The following DCDC2 variants were observed in gnomAD, a reference collection of about 807,000 sequenced individuals.
The protein encoded by DCDC2 is doublecortin domain containing 2.
DCDC2 carries 40 observed loss-of-function variants against 50.2 expected under a neutral mutation model. The ratio of observed to expected loss-of-function variants is 0.80; its 90% CI spans 0.62 to 1.04. The LOEUF is 1.04. Ranked by LOEUF, DCDC2 falls within the 50% of genes least tolerant of loss-of-function variation. DCDC2 has a pLI of 0.00. For missense variants in DCDC2, 570 were observed against 581.9 expected, an observed-to-expected ratio of 0.98 and a Z score of 0.21; for synonymous variants, 234 against 210.6, an observed-to-expected ratio of 1.11 and a Z score of -0.96.
At chr6:24,269,594 G>C (rs1355667451) in intron 7 of DCDC2, among the ~76,000 whole-genome samples, 3 of 152,176 alleles carry the variant, frequency 2.0e-5, no homozygotes, top group South Asian at 2.1e-4. Context: ...ACTGAAAAAT[G>C]AAAGTAGTGA....
intron 6 of DCDC2, among the ~76,000 whole-genome samples, chr6:24,286,643 T>C (rs1314686152): frequency 3.3e-5 from 5 of 151,954 alleles, no homozygotes; most frequent in Admixed American, 2.6e-4. Flanking sequence ...CTGATGTCCT[T>C]GGCAGGCCTC....
chr6:24,345,597 T>C (rs1172756922), intron 2 of DCDC2, among the ~76,000 whole-genome samples: 1 of 151,146 alleles, frequency 6.6e-6, no homozygotes, highest in African/African-American at 2.4e-5. Flanking sequence ...GGATGGCTTA[T>C]CCAAGAAGAA....
At chr6:24,359,102 T>C (rs1183736109), upstream of DCDC2, among the ~76,000 whole-genome samples, 13 of 61,634 alleles carry the variant, frequency 2.1e-4, no homozygotes, top group Admixed American at 3.3e-4. Context: ...TTATATATTT[T>C]ATATATTATA....
At position 24,208,161 on chromosome 6, in the gene DCDC2, A is replaced by G. The variant is rs932102736; in HGVS notation, c.923-3059T>C. Reference sequence around the variant, plus strand: ...GGACCAAAGAACCTGCAGGTCACGGACCCGCTATGCTTTTTCATGTCTCAC... The same window carrying G: ...GGACCAAAGAACCTGCAGGTCACGGGCCCGCTATGCTTTTTCATGTCTCAC... On this transcript the variant is annotated intron_variant, in intron 7 of 9. Coordinates refer to ENST00000378454, the MANE Select transcript of DCDC2 (RefSeq NM_016356.5). 3.3e-5 allele frequency among the ~76,000 whole-genome samples: 5 copies of G among 151,982 alleles called. No individual in the cohort carries two copies. The South Asian group carries it at 8.3e-4, about 25-fold the overall frequency.
intron 4 of DCDC2, among the ~76,000 whole-genome samples, chr6:24,294,553 A>C (rs915587324): frequency 5.3e-5 from 8 of 152,030 alleles, no homozygotes; most frequent in African/African-American, 1.9e-4. Context: ...AAAAAAAATT[A>C]ATAAGATACA....
chr6:24,203,662 T>A (rs1045162172), intron 8 of DCDC2, among the ~76,000 whole-genome samples: 2 of 152,124 alleles, frequency 1.3e-5, no homozygotes, highest in African/African-American at 4.8e-5. Flanking sequence ...CTGAAGAGCT[T>A]CTGCACAGCA....
upstream of DCDC2, among the ~76,000 whole-genome samples, chr6:24,360,429 C>A (rs763147847): frequency 2.6e-5 from 4 of 152,184 alleles, no homozygotes; most frequent in Non-Finnish European, 4.4e-5. Flanking sequence ...CCAAGCTTTA[C>A]GCCAGGGAAA....
chr6:24,176,000 A>G (rs1397814097), intron 9 of DCDC2, among the ~76,000 whole-genome samples: 1 of 152,186 alleles, frequency 6.6e-6, no homozygotes, highest in African/African-American at 2.4e-5. Context: ...TCTGTTACTA[A>G]TCCCTAATTA....
chr6:24,193,108 A>G, intron 8 of DCDC2, among the ~76,000 whole-genome samples: 1 of 152,144 alleles, frequency 6.6e-6, no homozygotes, highest in Non-Finnish European at 1.5e-5. Flanking sequence ...TCTGAGAGAA[A>G]TTATATCAAA....
At chr6:24,211,536 G>A (rs1761871014) in intron 7 of DCDC2, among the ~76,000 whole-genome samples, 1 of 152,216 alleles carries the variant, frequency 6.6e-6, no homozygotes, top group Non-Finnish European at 1.5e-5. Flanking sequence ...GAGATGGGAA[G>A]AGAATTGTGG....
chr6:24,291,670 A>G (rs1048712456), intron 4 of DCDC2, among the ~76,000 whole-genome samples: 1 of 151,468 alleles, frequency 6.6e-6, no homozygotes, highest in African/African-American at 2.4e-5. Context: ...TATTTTTAGT[A>G]GAGACCGGGT....
Position 24,301,401 on chromosome 6 carries a change from G to C in DCDC2, c.557+314C>G, listed in dbSNP as rs1050256777. Among the ~76,000 whole-genome samples the C allele has an allele frequency of 1.1e-4, 16 of 150,108 alleles. 1 individual carries two copies. In the East Asian group the frequency reaches 2.7e-3, roughly 25 times the overall value. On this transcript the variant is annotated intron_variant, in intron 4 of 9. Coordinates refer to ENST00000378454, the MANE Select transcript of DCDC2 (RefSeq NM_016356.5). ...AAAAAAAAAAAAAAAAAAGTTAAGG[G>C]GCTGGCTCTTTCAAAAAATCCTTCT...
chr6:24,252,789 C>T (rs570779158), intron 7 of DCDC2, among the ~76,000 whole-genome samples: 3 of 152,146 alleles, frequency 2.0e-5, no homozygotes, highest in Non-Finnish European at 4.4e-5. Context: ...AAATTTCACC[C>T]TATGCTGAGC....
Position 24,174,845 on chromosome 6 carries a change from A to G in DCDC2, c.1327-11T>C, listed in dbSNP as rs751249656. On this transcript the variant is annotated splice_polypyrimidine_tract_variant and intron_variant, in intron 9 of 9. Transcript: ENST00000378454. ...AGGGTCTACATCAGCCTAGAAGAAAATAGATCAAAACAAAGGTATTCAGCT... is the reference window on the plus strand; with the variant it reads ...AGGGTCTACATCAGCCTAGAAGAAAGTAGATCAAAACAAAGGTATTCAGCT... 6.9e-5 allele frequency: 110 copies of G among 1,587,164 alleles called. No individual in the cohort carries two copies. The highest frequency in any genetic ancestry group is 9.0e-5 in the South Asian group (8 of 89,344).
At chr6:24,316,420 T>C (rs1471282614) in intron 2 of DCDC2, among the ~76,000 whole-genome samples, 1 of 152,102 alleles carries the variant, frequency 6.6e-6, no homozygotes, top group Non-Finnish European at 1.5e-5. Flanking sequence ...GAGCGAACCA[T>C]TTCAGAAGCT....
intron 7 of DCDC2, among the ~76,000 whole-genome samples, chr6:24,237,984 C>T (rs1473464501): frequency 1.1e-4 from 16 of 149,224 alleles, no homozygotes; most frequent in Non-Finnish European, 1.6e-4. Flanking sequence ...ACTTACTACC[C>T]AAGTGATGGT....
At position 24,230,642 on chromosome 6, in the gene DCDC2, T is replaced by TCAAAA. The variant is rs142557687; in HGVS notation, c.923-25545_923-25541dup. Among the ~76,000 whole-genome samples the TCAAAA allele has an allele frequency of 1.5e-3, 235 of 152,026 alleles. 2 individuals are homozygous for TCAAAA. In the East Asian group the frequency reaches 0.018, roughly 12 times the overall value. ...CTGGGCAATAAAGCAATACTCTGTC[T>TCAAAA]CAAAACAAAACAAAACAAAACATAA... On this transcript the variant is annotated intron_variant, in intron 7 of 9. Transcript: ENST00000378454.
chr6:24,359,687 G>C (rs922080099), upstream of DCDC2, among the ~76,000 whole-genome samples: 1 of 148,714 alleles, frequency 6.7e-6, no homozygotes, highest in Non-Finnish European at 1.5e-5. Context: ...ACTTGAGCCC[G>C]GGAGTTTGAG....
intron 7 of DCDC2, among the ~76,000 whole-genome samples, chr6:24,272,409 T>C (rs955965919): frequency 5.9e-5 from 9 of 152,194 alleles, no homozygotes; most frequent in African/African-American, 2.2e-4. Context: ...TATCCCACAG[T>C]ACACATTGCC....
Sources: allele counts gnomAD v4.1 joint callset (sites outside exome capture counted in the v4.1 genomes callset), GRCh38; gene constraint gnomAD v4.1.1; transcripts MANE v1.5; gene names NCBI Gene and HGNC (gene_info 2026-07-23, HGNC 2026-07-21).